The following ZNF700 variants were observed in gnomAD, a reference collection of about 807,000 sequenced individuals.
The protein encoded by ZNF700 is zinc finger protein 700.
Under a neutral mutation model 65.3 loss-of-function variants are expected in ZNF700, and 38 were observed. That is an observed-to-expected ratio of 0.58 (90% CI 0.45 to 0.76). ZNF700 has a LOEUF of 0.76. Among genes scored for constraint, ZNF700 ranks in the 30% least tolerant of loss-of-function variants. The pLI, the probability that ZNF700 is intolerant of heterozygous loss-of-function variation, is 0.00. For synonymous variants in ZNF700, 285 were observed against 290.4 expected (o/e 0.98, Z 0.19); for missense variants, 857 against 888.4 (o/e 0.96, Z 0.45).
In ZNF700 at chr19:11,949,830, T is replaced by G. The variant is rs761881857; in HGVS notation, c.1806T>G (p.Ser602Arg). ...GTAAGCAATGTGGGAAAGCCTTCAGTTGTGCCTCAAACCTTCGAAAGCATG... is the reference window on the plus strand; with the variant it reads ...GTAAGCAATGTGGGAAAGCCTTCAGGTGTGCCTCAAACCTTCGAAAGCATG... ...YECKQCGKAF[S>R]CASNLRKHGR... The change falls in exon 4 of 4, where the codon AGT becomes AGG. Residue 602 changes from serine (S) to arginine (R), a missense_variant. Physicochemically the swap from Ser to Arg is moderately radical, Grantham distance 110. Coordinates refer to ENST00000254321, the MANE Select transcript of ZNF700 (RefSeq NM_144566.3). 6 of 1,592,094 alleles carry G rather than the reference T, an allele frequency of 3.8e-6. No individual in the cohort carries two copies. Among genetic ancestry groups the G allele is most frequent in the Middle Eastern group, 1.7e-4 (1 of 6,002 alleles).
intron 1 of ZNF700, among the ~76,000 whole-genome samples, chr19:11,934,837 C>T (rs897467521): frequency 4.1e-5 from 6 of 147,502 alleles, no homozygotes; most frequent in Non-Finnish European, 5.9e-5. Context: ...GTTTTCATTT[C>T]GCTCTTTAAT....
chr19:11,949,214 A>C lies in ZNF700; in HGVS notation c.1190A>C (p.Lys397Thr), dbSNP rs747885395. Reference protein sequence around the residue: ...EKRYKCKQCGKAFNLSSSFRY... With the variant: ...EKRYKCKQCGTAFNLSSSFRY... ...CGCTATAAATGCAAGCAATGTGGTA[A>C]AGCCTTCAATCTTTCCAGTTCCTTT... Residue 397 changes from lysine to threonine, a missense_variant, in exon 4 of 4, where the codon AAA becomes ACA. Coordinates refer to ENST00000254321, the MANE Select transcript of ZNF700 (RefSeq NM_144566.3). 12 of 1,613,720 alleles carry C rather than the reference A, an allele frequency of 7.4e-6. No individual in the cohort carries two copies. Among genetic ancestry groups the C allele is most frequent in the Non-Finnish European group, 1.0e-5 (12 of 1,179,920 alleles).
chr19:11,945,487 G>C (rs1972945080), intron 1 of ZNF700, among the ~76,000 whole-genome samples: 1 of 152,162 alleles, frequency 6.6e-6, no homozygotes, highest in Non-Finnish European at 1.5e-5. Context: ...TAATTCCAAA[G>C]GCTCTCAAGT....
In ZNF700 at chr19:11,948,366, C is replaced by A. The variant is rs753230913; in HGVS notation, c.342C>A (p.Phe114Leu). Residue 114 changes from phenylalanine (F) to leucine (L), a missense_variant, in exon 4 of 4, where the codon TTC becomes TTA. Physicochemically the swap from Phe to Leu is conservative, Grantham distance 22. This residue lies in a region of ZNF700 where 603 missense variants were observed against 619.9 expected (regional missense o/e 0.97). Coordinates refer to ENST00000254321, the MANE Select transcript of ZNF700 (RefSeq NM_144566.3). ...FTQVPDDRLN[F>L]QEKKASPEVK... ...AGGTTCCAGATGACAGACTGAACTT[C>A]CAGGAGAAGAAAGCTTCTCCTGAAG... is the stretch of plus-strand genomic sequence containing the variant. 3 of 1,613,952 alleles carry A rather than the reference C, an allele frequency of 1.9e-6. No individual in the cohort carries two copies. The highest frequency in any genetic ancestry group is 1.7e-5 in the Admixed American group (1 of 60,016).
At position 11,947,225 on chromosome 19, in the gene ZNF700, A is replaced by G. The variant is rs548287051; in HGVS notation, c.108A>G (p.Glu36=). The change falls in exon 2 of 4, where the codon GAA becomes GAG. Residue 36 remains glutamate (E), a synonymous_variant. Transcript: ENST00000254321. ...FEDVAVNFTQ[E]EWTLLDISQK... ...ATGTGGCTGTGAACTTCACCCAGGA[A>G]GAGTGGACATTGCTGGATATTTCCC... The G allele has an allele frequency of 6.2e-7, 1 of 1,614,036 alleles. No homozygotes were observed. Among genetic ancestry groups the G allele is most frequent in the Non-Finnish European group, 8.5e-7 (1 of 1,180,000 alleles).
At chr19:11,927,104 G>A (rs1278905157) in intron 1 of ZNF700, among the ~76,000 whole-genome samples, 1 of 152,298 alleles carries the variant, frequency 6.6e-6, no homozygotes, top group Non-Finnish European at 1.5e-5. Context: ...TGTAATCCAA[G>A]CACTTTGGGA....
rs1973034049 is a variant in ZNF700, at chr19:11,949,855, G to A, written c.1831G>A (p.Gly611Ser). 1 of 1,613,840 alleles carries A rather than the reference G, an allele frequency of 6.2e-7. No individual in the cohort carries two copies. Among genetic ancestry groups the A allele is most frequent in the African/African-American group, 1.3e-5 (1 of 74,856 alleles). The change falls in exon 4 of 4, where the codon GGT (glycine) becomes AGT (serine). Residue 611 changes from glycine (G) to serine (S), a missense_variant. Gly to Ser is a moderately conservative substitution (Grantham distance 56). This residue lies in a region of ZNF700 where 251 missense variants were observed against 250.3 expected (regional missense o/e 1.00). Transcript: ENST00000254321. Reference sequence around the variant, plus strand: ...TTGTGCCTCAAACCTTCGAAAGCATGGTAGGACTCACACTGGAGAGAAACC... The same window carrying A: ...TTGTGCCTCAAACCTTCGAAAGCATAGTAGGACTCACACTGGAGAGAAACC... Reference protein sequence around the residue: ...FSCASNLRKHGRTHTGEKPYE... With the variant: ...FSCASNLRKHSRTHTGEKPYE...
intron 1 of ZNF700, among the ~76,000 whole-genome samples, chr19:11,945,883 T>C (rs540470505): frequency 2.0e-4 from 30 of 152,232 alleles, no homozygotes; most frequent in African/African-American, 6.3e-4. Flanking sequence ...GATTACTTCA[T>C]GTACCCCTAT....
At chr19:11,935,004 C>T (rs1369074178) in intron 1 of ZNF700, among the ~76,000 whole-genome samples, 4 of 145,754 alleles carry the variant, frequency 2.7e-5, no homozygotes, top group East Asian at 4.1e-4. Context: ...TGTGAAACCC[C>T]GTCTCTACTA....
intron 1 of ZNF700, among the ~76,000 whole-genome samples, chr19:11,943,329 T>C (rs934711618): frequency 2.0e-5 from 3 of 152,228 alleles, no homozygotes; most frequent in African/African-American, 4.8e-5. Context: ...CTTTAGCTGC[T>C]AGCAAGTAGT....
intron 1 of ZNF700, among the ~76,000 whole-genome samples, chr19:11,931,908 G>A (rs1344307678): frequency 1.4e-5 from 2 of 147,924 alleles, no homozygotes; most frequent in Admixed American, 6.6e-5. Flanking sequence ...CTGAGTTCAG[G>A]AGTTCAAGAT....
intron 1 of ZNF700, among the ~76,000 whole-genome samples, chr19:11,925,815 A>C (rs1205689415): frequency 6.6e-6 from 1 of 152,250 alleles, no homozygotes; most frequent in Non-Finnish European, 1.5e-5. Context: ...AGAGCCGAAT[A>C]GGAGAGACCT....
chr19:11,939,853 C>G (rs1440767404), intron 1 of ZNF700: 2 of 152,062 alleles, frequency 1.3e-5, no homozygotes, highest in Non-Finnish European at 2.9e-5. Context: ...GATAGTTTGA[C>G]AAATCTACAT....
rs533733831 is a variant in ZNF700 at position 11,935,045 on chromosome 19, C to T, written c.63+9772C>T. On this transcript the variant is annotated intron_variant, in intron 1 of 3. Coordinates refer to ENST00000254321, the MANE Select transcript of ZNF700 (RefSeq NM_144566.3). ...AGAAAAAATTAGCCAGGCATGGTGGCGGGCGCCTATAGTCCCAGCTACTGG... is the reference window on the plus strand; with the variant it reads ...AGAAAAAATTAGCCAGGCATGGTGGTGGGCGCCTATAGTCCCAGCTACTGG... Among the ~76,000 whole-genome samples, 102 of 145,200 alleles carry T rather than the reference C, an allele frequency of 7.0e-4. 14 individuals are homozygous for T. Among genetic ancestry groups the T allele is most frequent in the African/African-American group, 2.6e-3 (94 of 36,270 alleles).
In ZNF700 at chr19:11,948,920, G is replaced by C. The variant is rs768374285; in HGVS notation, c.896G>C (p.Ser299Thr). 2 of 1,606,678 alleles carry C rather than the reference G, an allele frequency of 1.2e-6. No homozygotes were observed. Among genetic ancestry groups the C allele is most frequent in the Non-Finnish European group, 1.7e-6 (2 of 1,178,418 alleles). ...AGTTCCTATCATAGACATGAAAGAA[G>C]TCACATGGGAGAGAAGCCTTATCAA... ...SSSSYHRHER[S>T]HMGEKPYQCK... The change falls in exon 4 of 4, where the codon AGT becomes ACT. Residue 299 changes from serine (S) to threonine (T), a missense_variant. By Grantham distance (58) the Ser-to-Thr change is moderately conservative (BLOSUM62 1). This residue lies in a region of ZNF700 where 603 missense variants were observed against 619.9 expected (regional missense o/e 0.97). Coordinates refer to ENST00000254321, the MANE Select transcript of ZNF700 (RefSeq NM_144566.3).
chr19:11,938,430 T>A, intron 1 of ZNF700, among the ~76,000 whole-genome samples: 1 of 152,118 alleles, frequency 6.6e-6, no homozygotes, highest in East Asian at 1.9e-4. Flanking sequence ...TTCCCCTCCC[T>A]GGGTCCAAGT....
intron 1 of ZNF700, among the ~76,000 whole-genome samples, chr19:11,941,717 C>A (rs1972888554): frequency 6.6e-6 from 1 of 152,250 alleles, no homozygotes. Flanking sequence ...CGGCTCCCGC[C>A]TTGGTCAGCC....
chr19:11,925,308 G>T, intron 1 of ZNF700, 35 bp downstream of exon 1: 5 of 1,607,750 alleles, frequency 3.1e-6, no homozygotes, highest in Non-Finnish European at 3.4e-6. Context: ...TGAGACGGGG[G>T]AGGGGCTGCC....
At chr19:11,935,793 G>C (rs1405718036) in intron 1 of ZNF700, among the ~76,000 whole-genome samples, 1 of 152,140 alleles carries the variant, frequency 6.6e-6, no homozygotes, top group East Asian at 1.9e-4. Flanking sequence ...GTGCCGTGTT[G>C]GTTTGTTGCA....
Sources: gnomAD v4.1 joint callset for allele counts (sites outside exome capture counted in the v4.1 genomes callset) on GRCh38, gnomAD v4.1.1 for gene constraint, gnomAD v4.1.1 regional missense constraint, MANE v1.5 for transcripts, NCBI Gene and HGNC (gene_info 2026-07-23, HGNC 2026-07-21) for gene names.